ERC2: variants seen among roughly 807,000 people sequenced by gnomAD.
ERC2 encodes the protein ELKS/RAB6-interacting/CAST family member 2.
In ERC2, 42 loss-of-function variants were observed where a neutral mutation model predicts 114.8. The observed-to-expected ratio is 0.37, with a 90% CI of 0.29 to 0.47. The LOEUF is 0.47. ERC2 is among the 20% of genes least tolerant of loss of function. The probability of loss-of-function intolerance (pLI) is 0.99; values close to 1 mark genes in which losing one functional copy is unlikely to be tolerated. For missense variants in ERC2, 939 were observed against 1,150.7 expected, an observed-to-expected ratio of 0.82 and a Z score of 2.66; for synonymous variants, 454 against 425.5, an observed-to-expected ratio of 1.07 and a Z score of -0.82.
intron 12 of ERC2, among the ~76,000 whole-genome samples, chr3:55,976,074 G>T (rs1272909587): frequency 6.6e-6 from 1 of 152,116 alleles, no homozygotes; most frequent in African/African-American, 2.4e-5. Flanking sequence ...CGATCCCAAA[G>T]CATCTAAAAC....
rs555625244 is a variant in ERC2 at position 56,099,829 on chromosome 3, G to A, written c.1474-18845C>T. 2.0e-5 allele frequency among the ~76,000 whole-genome samples: 3 copies of A among 152,276 alleles called. No homozygotes were observed. In the East Asian group the frequency reaches 5.8e-4, roughly 29 times the overall value. On this transcript the variant is annotated intron_variant, in intron 6 of 17. Transcript: ENST00000288221. ...CTCAGAGGTCTAAACTCCCTTTCATGAAAACACAGACTTTCTACTCCTGAC... is the reference window on the plus strand; with the variant it reads ...CTCAGAGGTCTAAACTCCCTTTCATAAAAACACAGACTTTCTACTCCTGAC...
chr3:56,080,719 T>G, intron 7 of ERC2, 98 bp downstream of exon 7: 1 of 1,225,808 alleles, frequency 8.2e-7, no homozygotes, highest in Non-Finnish European at 1.1e-6. Context: ...TTCCTAAAGA[T>G]TCGTAAAAGA....
intron 14 of ERC2, among the ~76,000 whole-genome samples, chr3:55,826,015 G>T (rs544260157): frequency 6.7e-6 from 1 of 149,008 alleles, no homozygotes; most frequent in Non-Finnish European, 1.5e-5. Context: ...GGGAGGGAGG[G>T]AAGGAAGGAG....
chr3:56,127,335 G>T (rs2079934641), intron 6 of ERC2, among the ~76,000 whole-genome samples: 1 of 152,068 alleles, frequency 6.6e-6, no homozygotes, highest in South Asian at 2.1e-4. Flanking sequence ...AAATGTGTAT[G>T]GAACCACAAC....
At chr3:55,702,422 C>T (rs777071694) in intron 15 of ERC2, among the ~76,000 whole-genome samples, 5 of 152,200 alleles carry the variant, frequency 3.3e-5, no homozygotes, top group East Asian at 1.9e-4. Context: ...TTGCTTGTAA[C>T]ATATCCCCTA....
At chr3:56,336,697 G>A (rs541580669) in intron 2 of ERC2, among the ~76,000 whole-genome samples, 3 of 152,274 alleles carry the variant, frequency 2.0e-5, no homozygotes, top group Non-Finnish European at 4.4e-5. Flanking sequence ...GGGAGGCTGA[G>A]GCAGGAGAAT....
At chr3:55,760,968 C>T (rs1448813610) in intron 14 of ERC2, among the ~76,000 whole-genome samples, 1 of 152,026 alleles carries the variant, frequency 6.6e-6, no homozygotes, top group African/African-American at 2.4e-5. Context: ...AGTAGGTGGG[C>T]CCAGGGTAGA....
intron 2 of ERC2, among the ~76,000 whole-genome samples, chr3:56,308,567 G>C (rs2056365696): frequency 1.3e-5 from 2 of 152,114 alleles, no homozygotes; most frequent in Admixed American, 1.3e-4. Context: ...TTTAAATAGG[G>C]AATAGCCAGA....
intron 14 of ERC2, among the ~76,000 whole-genome samples, chr3:55,838,702 T>C (rs979872572): frequency 3.3e-5 from 5 of 151,936 alleles, no homozygotes; most frequent in African/African-American, 1.2e-4. Context: ...TCTCTAGGCA[T>C]ACTGACCAAG....
chr3:55,590,556 G>C (rs1156883361), intron 17 of ERC2, among the ~76,000 whole-genome samples: 3 of 152,190 alleles, frequency 2.0e-5, no homozygotes, highest in Non-Finnish European at 2.9e-5. Flanking sequence ...TGCTGCATTA[G>C]AGACCAGAGG....
At chr3:55,567,702 T>C (rs376777638) in intron 17 of ERC2, among the ~76,000 whole-genome samples, 4 of 150,888 alleles carry the variant, frequency 2.7e-5, no homozygotes, top group African/African-American at 9.7e-5. Flanking sequence ...GCATCTGGAG[T>C]GAGGGTGAGA....
chr3:55,949,264 GGAGGTT>G (rs2067330476), intron 13 of ERC2, among the ~76,000 whole-genome samples: 2 of 152,176 alleles, frequency 1.3e-5, no homozygotes, highest in African/African-American at 4.8e-5. Context: ...CAGCTACTCG[GGAGGTT>G]GAGGCACGAG....
At chr3:55,737,733 A>G (rs1575438085) in intron 14 of ERC2, among the ~76,000 whole-genome samples, 2 of 152,322 alleles carry the variant, frequency 1.3e-5, no homozygotes, top group East Asian at 1.9e-4. Flanking sequence ...TTGAGAAACA[A>G]TTCTCTATGA....
chr3:56,215,098 A>C (rs1375269771), intron 3 of ERC2, among the ~76,000 whole-genome samples: 2 of 152,206 alleles, frequency 1.3e-5, no homozygotes, highest in Non-Finnish European at 2.9e-5. Context: ...CGAGCAAAAT[A>C]ACGAGCTAAC....
intron 17 of ERC2, among the ~76,000 whole-genome samples, chr3:55,676,839 C>T (rs942950216): frequency 1.3e-5 from 2 of 152,184 alleles, no homozygotes; most frequent in Non-Finnish European, 2.9e-5. Flanking sequence ...TGTAATGTAA[C>T]AACACTCTGC....
intron 14 of ERC2, among the ~76,000 whole-genome samples, chr3:55,761,982 C>T: frequency 8.1e-6 from 1 of 124,164 alleles, no homozygotes; most frequent in Non-Finnish European, 1.6e-5. Flanking sequence ...CTTCCTCTCT[C>T]TCTCTCTCCT....
chr3:56,141,800 G>T (rs963272934), intron 5 of ERC2, among the ~76,000 whole-genome samples: 1 of 152,044 alleles, frequency 6.6e-6, no homozygotes, highest in East Asian at 1.9e-4. Flanking sequence ...AACTCCACTC[G>T]ATCATTACAT....
At position 55,952,300 on chromosome 3, in the gene ERC2, C is replaced by T. The variant is rs73086157; in HGVS notation, c.2268-1740G>A. Reference sequence around the variant, plus strand: ...TTATTGGTAGCACTTATTAAGAGGACATAAAGTATGATATAATAACCATCT... The same window carrying T: ...TTATTGGTAGCACTTATTAAGAGGATATAAAGTATGATATAATAACCATCT... On this transcript the variant is annotated intron_variant, in intron 12 of 17. Coordinates refer to ENST00000288221, the MANE Select transcript of ERC2 (RefSeq NM_015576.3). Among the ~76,000 whole-genome samples, 1,289 of 151,100 alleles carry T rather than the reference C, an allele frequency of 8.5e-3. 6 individuals are homozygous for T. The highest frequency in any genetic ancestry group is 0.014 in the Non-Finnish European group (953 of 67,846).
intron 17 of ERC2, among the ~76,000 whole-genome samples, chr3:55,521,663 C>A (rs548978077): frequency 6.6e-6 from 1 of 152,312 alleles, no homozygotes; most frequent in South Asian, 2.1e-4. Flanking sequence ...GAGGTGCCTG[C>A]ATCTTCAGAC....
Sources: allele counts gnomAD v4.1 joint callset (sites outside exome capture counted in the v4.1 genomes callset), GRCh38; gene constraint gnomAD v4.1.1; transcripts MANE v1.5; gene names NCBI Gene and HGNC (gene_info 2026-07-23, HGNC 2026-07-21).